The following TENM4 variants were observed in gnomAD, a reference collection of about 807,000 sequenced individuals.
TENM4 encodes teneurin transmembrane protein 4, also known as teneurin-4.
Under a neutral mutation model 243.3 loss-of-function variants are expected in TENM4, and 82 were observed. That is an observed-to-expected ratio of 0.34 (90% CI 0.28 to 0.40). The LOEUF is 0.40. Among genes scored for constraint, TENM4 ranks in the 10% least tolerant of loss-of-function variants. The pLI, the probability that TENM4 is intolerant of heterozygous loss-of-function variation, is 1.00. For missense variants in TENM4, 3,138 were observed against 3,673.3 expected (o/e 0.85, Z 3.77); for synonymous variants, 1,412 against 1,456.3 (o/e 0.97, Z 0.69).
intron 26 of TENM4, among the ~76,000 whole-genome samples, chr11:78,709,134 A>ATTTTTTTT (rs372114866): frequency 1.2e-4 from 15 of 126,108 alleles, no homozygotes; most frequent in African/African-American, 4.4e-4. Context: ...TGCCTGGCTA[A>ATTTTTTTT]TTTTTTTTTT....
chr11:79,017,932 C>G (rs551686863), intron 6 of TENM4, among the ~76,000 whole-genome samples: 17 of 152,304 alleles, frequency 1.1e-4, no homozygotes. Context: ...TCATTTTACA[C>G]TGGGTTCCAC....
intron 2 of TENM4, among the ~76,000 whole-genome samples, chr11:79,296,324 C>CG (rs1856453086): frequency 1.3e-5 from 2 of 151,618 alleles, no homozygotes; most frequent in Non-Finnish European, 3.0e-5. Flanking sequence ...AAGAAGGGGG[C>CG]CGGGGGGCTG....
chr11:79,361,094 T>C (rs1292461713), intron 1 of TENM4, among the ~76,000 whole-genome samples: 1 of 152,124 alleles, frequency 6.6e-6, no homozygotes, highest in Non-Finnish European at 1.5e-5. Flanking sequence ...CCAGATGATA[T>C]TTAAGAGGAT....
At chr11:79,212,006 A>G (rs74238053) in intron 3 of TENM4, among the ~76,000 whole-genome samples, 37,980 of 152,108 alleles carry the variant, frequency 0.25, 5,773 homozygotes, top group East Asian at 0.62. Context: ...TGGTGTGAGG[A>G]AAGAGTCCAA....
intron 6 of TENM4, among the ~76,000 whole-genome samples, chr11:78,906,021 G>T (rs1856055843): frequency 6.6e-6 from 1 of 152,236 alleles, no homozygotes; most frequent in African/African-American, 2.4e-5. Flanking sequence ...CAGAGCAGTG[G>T]GAGGCAGTGG....
chr11:79,389,847 C>T (rs2135538801), intron 1 of TENM4, among the ~76,000 whole-genome samples: 1 of 152,304 alleles, frequency 6.6e-6, no homozygotes, highest in Non-Finnish European at 1.5e-5. Context: ...TGTTTTCTCT[C>T]TTATTAGGTA....
intron 3 of TENM4, among the ~76,000 whole-genome samples, chr11:79,203,380 A>G (rs1040154768): frequency 2.0e-5 from 3 of 152,250 alleles, no homozygotes; most frequent in Middle Eastern, 3.2e-3. Context: ...CAGCTAAGAA[A>G]TGGGTAAGTA....
intron 3 of TENM4, among the ~76,000 whole-genome samples, chr11:79,183,145 T>G (rs1175320227): frequency 6.6e-6 from 1 of 152,130 alleles, no homozygotes; most frequent in Non-Finnish European, 1.5e-5. Context: ...TGCCAAAACT[T>G]GGAAGCAACC....
At position 78,930,890 on chromosome 11, in the gene TENM4, G is replaced by A. The variant is rs182027544; in HGVS notation, c.494-27367C>T. 1.1e-4 allele frequency among the ~76,000 whole-genome samples: 17 copies of A among 152,312 alleles called. No individual in the cohort carries two copies. The East Asian group carries it at 2.7e-3, about 24-fold the overall frequency. On this transcript the variant is annotated intron_variant, in intron 6 of 33. Transcript: ENST00000278550. ...AACCCTTCAGAGGCAGGAAGCTATCGTTAAAAGGTCATCTTTTGGGCCCAG... is the reference window on the plus strand; with the variant it reads ...AACCCTTCAGAGGCAGGAAGCTATCATTAAAAGGTCATCTTTTGGGCCCAG...
Position 79,384,921 on chromosome 11 carries a change from G to A in TENM4, c.-321+55588C>T, listed in dbSNP as rs186924969. ...AGCCTGGGCAACAGAGCAAGACTCC[G>A]TCTCAAAAAATAAAATTAAAATAAA... On this transcript the variant is annotated intron_variant, in intron 1 of 33. Coordinates refer to ENST00000278550, the MANE Select transcript of TENM4 (RefSeq NM_001098816.3). Among the ~76,000 whole-genome samples the A allele has an allele frequency of 3.4e-3, 112 of 32,934 alleles. 4 individuals carry two copies. The East Asian group carries it at 0.066, about 19-fold the overall frequency. The allele number at this position is 32,934 out of a possible 152,430, so 21.6% of individuals were successfully genotyped here.
intron 2 of TENM4, among the ~76,000 whole-genome samples, chr11:79,233,685 G>A (rs1006579220): frequency 3.3e-5 from 5 of 152,118 alleles, no homozygotes; most frequent in African/African-American, 1.2e-4. Context: ...CGCCAGTTGG[G>A]GTAGAAGCAG....
At chr11:79,334,587 C>G (rs767911668) in intron 1 of TENM4, among the ~76,000 whole-genome samples, 3 of 152,128 alleles carry the variant, frequency 2.0e-5, no homozygotes, top group Non-Finnish European at 4.4e-5. Context: ...AGGGGCATCC[C>G]TTGCCTGTCT....
intron 12 of TENM4, among the ~76,000 whole-genome samples, chr11:78,829,468 C>T (rs934142818): frequency 4.6e-5 from 7 of 152,060 alleles, no homozygotes; most frequent in African/African-American, 1.2e-4. Flanking sequence ...AGGCATTTAA[C>T]GGGGCCTGCA....
At chr11:78,961,969 C>T (rs1446944127) in intron 6 of TENM4, among the ~76,000 whole-genome samples, 3 of 152,132 alleles carry the variant, frequency 2.0e-5, no homozygotes, top group Non-Finnish European at 4.4e-5. Context: ...CCAGCGGCGC[C>T]GCGGGGCAAG....
At chr11:78,809,065 G>A (rs192301622) in intron 14 of TENM4, among the ~76,000 whole-genome samples, 158 of 152,298 alleles carry the variant, frequency 1.0e-3, no homozygotes, top group Non-Finnish European at 1.6e-3. Context: ...GCACCCTTGA[G>A]GTCGAACCTA....
chr11:78,826,061 A>T (rs1857840648), intron 12 of TENM4, among the ~76,000 whole-genome samples: 1 of 150,456 alleles, frequency 6.6e-6, no homozygotes, highest in Non-Finnish European at 1.5e-5. Flanking sequence ...CCAAATAGAA[A>T]ACCAAATCCC....
chr11:79,144,720 C>T (rs1862364476), intron 4 of TENM4, among the ~76,000 whole-genome samples: 1 of 151,630 alleles, frequency 6.6e-6, no homozygotes, highest in Non-Finnish European at 1.5e-5. Flanking sequence ...TCTGTGGGAA[C>T]TAAAAATTAA....
At chr11:78,735,075 G>A (rs898255904) in intron 20 of TENM4, among the ~76,000 whole-genome samples, 1 of 152,200 alleles carries the variant, frequency 6.6e-6, no homozygotes, top group Non-Finnish European at 1.5e-5. Flanking sequence ...GAGACTGAAA[G>A]GATTCCGCAT....
chr11:79,239,650 CA>C (rs1334464306), intron 2 of TENM4, among the ~76,000 whole-genome samples: 1 of 152,180 alleles, frequency 6.6e-6, no homozygotes, highest in Non-Finnish European at 1.5e-5. Flanking sequence ...TCAAGAAGAA[CA>C]AAAGAAACTA....
Sources: allele counts gnomAD v4.1 joint callset (sites outside exome capture counted in the v4.1 genomes callset), GRCh38; gene constraint gnomAD v4.1.1; transcripts MANE v1.5; gene names NCBI Gene and HGNC (gene_info 2026-07-23, HGNC 2026-07-21).